Variants in CTSL observed in about 807,000 individuals in gnomAD.
CTSL encodes cathepsin L, also known as procathepsin L.
CTSL carries 23 observed loss-of-function variants against 34.7 expected under a neutral mutation model. That is an observed-to-expected ratio of 0.66 (90% CI 0.48 to 0.94). CTSL has a LOEUF of 0.94. Among genes scored for constraint, CTSL ranks in the 40% least tolerant of loss-of-function variants. The pLI, the probability that CTSL is intolerant of heterozygous loss-of-function variation, is 0.00. For synonymous variants in CTSL, 129 were observed against 136.7 expected, an observed-to-expected ratio of 0.94 and a Z score of 0.39; for missense variants, 361 against 406.3, an observed-to-expected ratio of 0.89 and a Z score of 0.96.
In CTSL at chr9:87,730,414, A is replaced by T. The variant is rs1370964946; in HGVS notation, c.818A>T (p.Asp273Val). ...TTTGAGCCAGACTGTAGCAGTGAAG[A>T]CATGGATCATGGTGTGCTGGTGGTT... ...IYFEPDCSSE[D>V]MDHGVLVVGY... The change falls in exon 7 of 8, where the codon GAC becomes GTC. Residue 273 changes from aspartate (D) to valine (V), a missense_variant. Asp to Val is a radical substitution (Grantham distance 152). Transcript: ENST00000343150. 6.2e-7 allele frequency: 1 copy of T among 1,612,502 alleles called. No individual in the cohort carries two copies. Among genetic ancestry groups the T allele is most frequent in the Admixed American group, 1.7e-5 (1 of 59,580 alleles).
Position 87,728,158 on chromosome 9 carries a change from G to T in CTSL, c.249+9G>T. 2 of 1,614,246 alleles carry T rather than the reference G, an allele frequency of 1.2e-6. No homozygotes were observed. Among genetic ancestry groups the T allele is most frequent in the Non-Finnish European group, 1.7e-6 (2 of 1,180,042 alleles). On this transcript the variant is annotated intron_variant, in intron 3 of 7. Transcript: ENST00000343150. ...ACGCCTTTGGAGACATGGTAAGTGTGCTGTGGACTGCCGAGCTCTGTGCTT... is the reference window on the plus strand; with the variant it reads ...ACGCCTTTGGAGACATGGTAAGTGTTCTGTGGACTGCCGAGCTCTGTGCTT...
intron 2 of CTSL, 94 bp downstream of exon 2, chr9:87,727,823 A>G: frequency 6.7e-7 from 1 of 1,495,156 alleles, no homozygotes; most frequent in Non-Finnish European, 9.2e-7. Context: ...CAATAGCCTA[A>G]TGTAATAACC....
chr9:87,727,782 C>CA (rs1490681882), intron 2 of CTSL, 53 bp downstream of exon 2: 21 of 1,605,718 alleles, frequency 1.3e-5, no homozygotes, highest in Non-Finnish European at 1.8e-5. Context: ...AAGTTTTAGT[C>CA]AGAGAGTAGC....
chr9:87,731,042 A>G lies in CTSL; in HGVS notation c.937A>G (p.Lys313Glu). The change falls in exon 8 of 8, where the codon AAG (lysine) becomes GAG (glutamate). Residue 313 changes from lysine to glutamate, a missense_variant. Lys to Glu is a moderately conservative substitution (Grantham distance 56). Transcript: ENST00000343150. The part of the protein sequence containing the change: ...GEEWGMGGYV[K>E]MAKDRRNHCG... ...AGAATGGGGCATGGGTGGCTACGTA[A>G]AGATGGCCAAAGACCGGAGAAACCA... 6.2e-7 allele frequency: 1 copy of G among 1,614,078 alleles called. No homozygotes were observed. Among genetic ancestry groups the G allele is most frequent in the Non-Finnish European group, 8.5e-7 (1 of 1,179,994 alleles).
At chr9:87,730,221 G>C (rs550191975) in intron 6 of CTSL, among the ~76,000 whole-genome samples, 160 bp from the exon 7 acceptor site, 3 of 152,146 alleles carry the variant, frequency 2.0e-5, no homozygotes, top group East Asian at 3.9e-4. Context: ...TTGTAAATGA[G>C]AGCTTAAATC....
At position 87,728,671 on chromosome 9, in the gene CTSL, G is replaced by A. The variant is rs1335562901; in HGVS notation, c.483G>A (p.Leu161=). ...MFRKTGRLIS[L]SEQNLVDCSG... Reference sequence around the variant, plus strand: ...GGAAAACTGGGAGGCTTATCTCACTGAGTGAGCAGAATCTGGTAGACTGCT... The same window carrying A: ...GGAAAACTGGGAGGCTTATCTCACTAAGTGAGCAGAATCTGGTAGACTGCT... The change falls in exon 5 of 8, where the codon CTG becomes CTA. Residue 161 remains leucine, a synonymous_variant. Transcript: ENST00000343150. 1 of 1,614,006 alleles carries A rather than the reference G, an allele frequency of 6.2e-7. No homozygotes were observed. Among genetic ancestry groups the A allele is most frequent in the Non-Finnish European group, 8.5e-7 (1 of 1,180,048 alleles).
intron 6 of CTSL, among the ~76,000 whole-genome samples, chr9:87,730,007 G>A (rs911877208): frequency 3.3e-5 from 5 of 151,846 alleles, no homozygotes; most frequent in Admixed American, 6.6e-5. Context: ...TGCAATTGTT[G>A]GATTTTTATA....
intron 1 of CTSL, among the ~76,000 whole-genome samples, chr9:87,727,007 C>T (rs1477754970): frequency 6.6e-6 from 1 of 151,718 alleles, no homozygotes; most frequent in Admixed American, 6.6e-5. Flanking sequence ...CCGTTGAACT[C>T]CAGCCTGGGC....
intron 7 of CTSL, 38 bp from the exon 8 acceptor site, chr9:87,730,967 TTTA>T (rs1263438356): frequency 7.7e-6 from 12 of 1,563,522 alleles, no homozygotes; most frequent in Non-Finnish European, 1.1e-5. Context: ...CCCTTTGGGC[TTTA>T]TTCTTTCTCT....
In CTSL at chr9:87,728,756, G is replaced by A. The variant is rs758963031; in HGVS notation, c.568G>A (p.Val190Ile). ...CCTAATGGATTATGCTTTCCAGTATGTTCAGGATAATGGAGGCCTGGACTC... is the reference window on the plus strand; with the variant it reads ...CCTAATGGATTATGCTTTCCAGTATATTCAGGATAATGGAGGCCTGGACTC... ...GGLMDYAFQY[V>I]QDNGGLDSEE... The change falls in exon 5 of 8, where the codon GTT (valine) becomes ATT (isoleucine). Residue 190 changes from valine to isoleucine, a missense_variant. Transcript: ENST00000343150. 3.1e-6 allele frequency: 5 copies of A among 1,614,090 alleles called. No individual in the cohort carries two copies. The South Asian group carries it at 5.5e-5, about 18-fold the overall frequency.
chr9:87,731,331 T>TCGACGAG lies in CTSL; in HGVS notation c.*224_*225insCGACGAG. On this transcript the variant is annotated 3_prime_UTR_variant, in exon 8 of 8. Coordinates refer to ENST00000343150, the MANE Select transcript of CTSL (RefSeq NM_001912.5). ...TATTGATTCACTTACTGACTTTGCATTTTCGTTTTTAAAAGGATGTATAAA... is the reference window on the plus strand; with the variant it reads ...TATTGATTCACTTACTGACTTTGCATCGACGAGTTTCGTTTTTAAAAGGATGTATAAA... 2.7e-6 allele frequency: 1 copy of TCGACGAG among 368,040 alleles called. No individual in the cohort carries two copies. The highest frequency in any genetic ancestry group is 4.8e-6 in the Non-Finnish European group (1 of 207,104). 22.8% of individuals were successfully genotyped at this position (368,040 alleles called of 1,614,324 possible).
At position 87,728,232 on chromosome 9, in the gene CTSL, A is replaced by C; in HGVS notation, c.250-18A>C. On this transcript the variant is annotated intron_variant, in intron 3 of 7. Coordinates refer to ENST00000343150, the MANE Select transcript of CTSL (RefSeq NM_001912.5). ...GTAATCTCTTGCTTTTCAACATTTTATTTCCTTTTCCTTGAAGACCAGTGA... is the reference window on the plus strand; with the variant it reads ...GTAATCTCTTGCTTTTCAACATTTTCTTTCCTTTTCCTTGAAGACCAGTGA... 1 of 1,613,988 alleles carries C rather than the reference A, an allele frequency of 6.2e-7. No individual in the cohort carries two copies. The highest frequency in any genetic ancestry group is 1.1e-5 in the South Asian group (1 of 91,072).
intron 5 of CTSL, 143 bp from the exon 6 acceptor site, chr9:87,729,430 C>T (rs1269333854): frequency 1.5e-6 from 1 of 662,872 alleles, no homozygotes; most frequent in Non-Finnish European, 2.5e-6. Context: ...TAACTAATAG[C>T]ATTTCACTTC....
At chr9:87,727,937 C>G in intron 2 of CTSL, 90 bp from the exon 3 acceptor site, 1 of 1,573,550 alleles carries the variant, frequency 6.4e-7, no homozygotes, top group Non-Finnish European at 8.6e-7. Flanking sequence ...GCCATGGTTT[C>G]TCTTCCATCT....
intron 2 of CTSL, 140 bp from the exon 3 acceptor site, chr9:87,727,887 T>C: frequency 7.0e-7 from 1 of 1,423,062 alleles, no homozygotes. Context: ...TGTGTCTCAG[T>C]TTGGAGAACA....
Position 87,728,252 on chromosome 9 carries a change from C to T in CTSL, c.252C>T (p.Thr84=), listed in dbSNP as rs1354524844. The T allele has an allele frequency of 1.9e-6, 3 of 1,613,926 alleles. No individual in the cohort carries two copies. Among genetic ancestry groups the T allele is most frequent in the East Asian group, 2.2e-5 (1 of 44,878 alleles). The part of the protein sequence containing the change: ...TMAMNAFGDM[T]SEEFRQVMNG... ...ATTTTATTTCCTTTTCCTTGAAGAC[C>T]AGTGAAGAATTCAGGCAGGTGATGA... is the stretch of plus-strand genomic sequence containing the variant. The change falls in exon 4 of 8, where the codon ACC becomes ACT. Residue 84 remains threonine, a splice_region_variant and synonymous_variant. Transcript: ENST00000343150.
intron 5 of CTSL, 132 bp from the exon 6 acceptor site, chr9:87,729,441 C>G: frequency 4.1e-6 from 3 of 736,122 alleles, no homozygotes; most frequent in Non-Finnish European, 6.4e-6. Flanking sequence ...ATTTCACTTC[C>G]TGGGATGATT....
intron 1 of CTSL, 73 bp from the exon 2 acceptor site, chr9:87,727,520 TA>T (rs1310327924): frequency 6.8e-6 from 10 of 1,472,144 alleles, no homozygotes; most frequent in Non-Finnish European, 9.4e-6. Context: ...ATGGTGGCCC[TA>T]ATTTTTCAGG....
intron 6 of CTSL, 106 bp from the exon 7 acceptor site, chr9:87,730,275 C>T: frequency 1.6e-6 from 1 of 636,370 alleles, no homozygotes; most frequent in East Asian, 2.8e-5. Context: ...GAATGTGTGT[C>T]ACTTCACTGA....
Sources: allele counts gnomAD v4.1 joint callset (sites outside exome capture counted in the v4.1 genomes callset), GRCh38; gene constraint gnomAD v4.1.1; transcripts MANE v1.5; gene names NCBI Gene and HGNC (gene_info 2026-07-23, HGNC 2026-07-21).